The following TCHP variants were observed in gnomAD, a reference collection of about 807,000 sequenced individuals.
The protein encoded by TCHP is trichoplein keratin filament binding.
In TCHP, 81 loss-of-function variants were observed where a neutral mutation model predicts 88.7. The ratio of observed to expected loss-of-function variants is 0.91; its 90% CI spans 0.76 to 1.10. The LOEUF (loss-of-function observed/expected upper bound fraction) is 1.10, where lower values mean the gene tolerates loss of function less well. Among genes scored for constraint, TCHP ranks in the 50% least tolerant of loss-of-function variants. The pLI is 0.00. For missense variants in TCHP, 641 were observed against 632.1 expected, an observed-to-expected ratio of 1.01 and a Z score of -0.15; for synonymous variants, 232 against 232.5, an observed-to-expected ratio of 1.00 and a Z score of 0.02.
rs1870045968 is a variant in TCHP at position 109,904,945 on chromosome 12, A to G, written c.456+152A>G. 1.2e-5 allele frequency: 8 copies of G among 651,608 alleles called. No individual in the cohort carries two copies. The African/African-American group carries it at 1.5e-4, about 12-fold the overall frequency. 40.4% of individuals were successfully genotyped at this position (651,608 alleles called of 1,614,324 possible). Reference sequence around the variant, plus strand: ...GAGCGCCAGGCAGAAGATCTGGCACAGGCTGCGCTGAGCGGCTCATTCGGT... The same window carrying G: ...GAGCGCCAGGCAGAAGATCTGGCACGGGCTGCGCTGAGCGGCTCATTCGGT... On this transcript the variant is annotated intron_variant, in intron 4 of 12. Transcript: ENST00000405876.
chr12:109,881,390 T>A, the TCHP span, among the ~76,000 whole-genome samples: 42 of 152,184 alleles, frequency 2.8e-4, no homozygotes, highest in Non-Finnish European at 5.1e-4. Flanking sequence ...TTGCACATCC[T>A]CTCCATTTGC....
chr12:109,898,246 G>A (rs1347195627), upstream of TCHP, among the ~76,000 whole-genome samples: 4 of 152,208 alleles, frequency 2.6e-5, no homozygotes, highest in African/African-American at 9.6e-5. Context: ...GTCTTGCTCT[G>A]TTGCCCAGGC....
At chr12:109,911,881 C>T (rs1870519400) in intron 9 of TCHP, among the ~76,000 whole-genome samples, 2 of 151,950 alleles carry the variant, frequency 1.3e-5, no homozygotes, top group East Asian at 3.9e-4. Context: ...ACTGCAATCT[C>T]TGCCTCCTGG....
At chr12:109,914,836 T>C (rs1592915524) in intron 11 of TCHP, 1 of 530,560 alleles carries the variant, frequency 1.9e-6, no homozygotes, top group Non-Finnish European at 3.4e-6. Flanking sequence ...GTGAGGCCGG[T>C]ACTGCTGTCT....
chr12:109,899,941 A>G (rs1010303411), upstream of TCHP, among the ~76,000 whole-genome samples: 11 of 152,022 alleles, frequency 7.2e-5, no homozygotes, highest in East Asian at 2.1e-3. Context: ...TGGGACCACA[A>G]GTCCCACCAT....
At chr12:109,910,146 C>CA (rs926222070) in intron 8 of TCHP, among the ~76,000 whole-genome samples, 3 of 151,130 alleles carry the variant, frequency 2.0e-5, no homozygotes, top group African/African-American at 4.9e-5. Context: ...CTCAAAAAAA[C>CA]AAAAAAAGGT....
chr12:109,894,602 C>T, the TCHP span, among the ~76,000 whole-genome samples: 1 of 151,528 alleles, frequency 6.6e-6, no homozygotes, highest in African/African-American at 2.4e-5. Context: ...CCCATCTCTA[C>T]TAAAAATACA....
intron 8 of TCHP, 142 bp downstream of exon 8, chr12:109,909,079 C>T: frequency 1.4e-6 from 1 of 731,836 alleles, no homozygotes; most frequent in Non-Finnish European, 2.3e-6. Context: ...TCAAAGGATA[C>T]ATCCCTCGGT....
chr12:109,889,720 C>A, the TCHP span, among the ~76,000 whole-genome samples: 5 of 152,204 alleles, frequency 3.3e-5, no homozygotes, highest in Admixed American at 3.3e-4. Flanking sequence ...AGGCAGGCAG[C>A]CCTCGATGAA....
chr12:109,902,880 T>G, intron 1 of TCHP, 147 bp from the exon 2 acceptor site: 2 of 546,250 alleles, frequency 3.7e-6, no homozygotes, highest in Non-Finnish European at 6.1e-6. Flanking sequence ...CAGACACGGT[T>G]TTGTTTGTTT....
In TCHP at chr12:109,908,872, C is replaced by T. The variant is rs770292690; in HGVS notation, c.814C>T (p.Arg272Cys). The change falls in exon 8 of 13, where the codon CGT becomes TGT. Residue 272 changes from arginine to cysteine, a missense_variant and splice_region_variant. Coordinates refer to ENST00000405876, the MANE Select transcript of TCHP (RefSeq NM_001143852.2). ...AGCCCACATTTGATTCTCCTTCAGG[C>T]GTTTCTTGAGACATCAGTATAACGC... ...EAFRQKAELG[R>C]FLRHQYNAQL... 5.8e-5 allele frequency: 93 copies of T among 1,614,060 alleles called. No homozygotes were observed. Among genetic ancestry groups the T allele is most frequent in the African/African-American group, 2.8e-4 (21 of 74,930 alleles).
At chr12:109,882,176 T>C in the TCHP span, among the ~76,000 whole-genome samples, 1 of 152,148 alleles carries the variant, frequency 6.6e-6, no homozygotes, top group Non-Finnish European at 1.5e-5. Flanking sequence ...GAAGAGGTGA[T>C]ATTTGAGCTG....
In TCHP at chr12:109,911,144, G is replaced by A; in HGVS notation, c.961G>A (p.Val321Ile). The change falls in exon 9 of 13, where the codon GTC becomes ATC. Residue 321 changes from valine (V) to isoleucine (I), a missense_variant. Transcript: ENST00000405876. ...CCTCCACCTGGCCAGGCGGGAGCAG[G>A]TCATGGCCGATGTGGCCTGGATGAA... Reference protein sequence around the residue: ...QRLHLARREQVMADVAWMKQA... With the variant: ...QRLHLARREQIMADVAWMKQA... 6.3e-7 allele frequency: 1 copy of A among 1,597,624 alleles called. No individual in the cohort carries two copies. The highest frequency in any genetic ancestry group is 8.5e-7 in the Non-Finnish European group (1 of 1,173,994).
At chr12:109,894,320 C>T in the TCHP span, among the ~76,000 whole-genome samples, 1 of 151,074 alleles carries the variant, frequency 6.6e-6, no homozygotes, top group African/African-American at 2.4e-5. Flanking sequence ...ATTAGCCGGG[C>T]GTGGTGGTGG....
rs754204977 is a variant in TCHP at position 109,911,077 on chromosome 12, G to A, written c.894G>A (p.Arg298=). The A allele has an allele frequency of 8.8e-6, 14 of 1,585,002 alleles. No homozygotes were observed. The East Asian group carries it at 3.2e-4, about 36-fold the overall frequency. ...QIQEELEADR[R]ILQALLEKED... is the part of the protein sequence containing the mutation. ...GCTTCCTCTAGGAGGCAGACAGGCG[G>A]ATCCTGCAGGCCCTCCTCGAGAAGG... The change falls in exon 9 of 13, where the codon CGG becomes CGA. Residue 298 remains arginine (R), a synonymous_variant. Transcript: ENST00000405876.
upstream of TCHP, among the ~76,000 whole-genome samples, chr12:109,899,551 T>C (rs949885305): frequency 6.6e-6 from 1 of 152,050 alleles, no homozygotes; most frequent in Admixed American, 6.6e-5. Flanking sequence ...GGCAGGGTAA[T>C]CGCTTGAACC....
intron 8 of TCHP, among the ~76,000 whole-genome samples, chr12:109,909,227 A>T (rs887101396): frequency 2.0e-5 from 3 of 152,218 alleles, no homozygotes; most frequent in African/African-American, 7.2e-5. Context: ...TATGTTAATT[A>T]GCTTGACCGT....
At chr12:109,902,950 G>A in intron 1 of TCHP, 77 bp from the exon 2 acceptor site, 58 of 1,290,388 alleles carry the variant, frequency 4.5e-5, no homozygotes, top group Non-Finnish European at 5.9e-5. Flanking sequence ...GTGACCACTC[G>A]TTAAAGGGAT....
intron 9 of TCHP, among the ~76,000 whole-genome samples, chr12:109,912,359 T>TG (rs1407480033): frequency 2.0e-5 from 3 of 152,140 alleles, no homozygotes; most frequent in Non-Finnish European, 4.4e-5. Flanking sequence ...AGGCATGCGG[T>TG]GGCAGGGTTC....
Sources: allele counts gnomAD v4.1 joint callset (sites outside exome capture counted in the v4.1 genomes callset), GRCh38; gene constraint gnomAD v4.1.1; transcripts MANE v1.5; gene names NCBI Gene and HGNC (gene_info 2026-07-23, HGNC 2026-07-21).